ZBTB7C: variants seen among roughly 807,000 people sequenced by gnomAD.
ZBTB7C encodes the protein zinc finger and BTB domain-containing protein 7C.
A neutral mutation model predicts 25.7 loss-of-function variants in ZBTB7C; 8 were observed. The ratio of observed to expected loss-of-function variants is 0.31; its 90% CI spans 0.18 to 0.56. The LOEUF is 0.56. Ranked by LOEUF, ZBTB7C falls within the 20% of genes least tolerant of loss-of-function variation. ZBTB7C has a pLI of 0.91. For missense variants in ZBTB7C, 824 were observed against 855.2 expected, an observed-to-expected ratio of 0.96 and a Z score of 0.46; for synonymous variants, 394 against 369.0, an observed-to-expected ratio of 1.07 and a Z score of -0.78.
chr18:48,053,451 G>GTA (rs140866377), intron 3 of ZBTB7C, among the ~76,000 whole-genome samples: 2,913 of 152,286 alleles, frequency 0.019, 83 homozygotes, highest in African/African-American at 0.066. Context: ...TCACTGAGAT[G>GTA]TACTCTGGGT....
intron 2 of ZBTB7C, among the ~76,000 whole-genome samples, chr18:48,315,532 C>G (rs1293402071): frequency 6.6e-6 from 1 of 152,162 alleles, no homozygotes; most frequent in Non-Finnish European, 1.5e-5. Context: ...GCTTTGCCAC[C>G]TACTAGCCTG....
chr18:48,187,714 G>A (rs1356210478), intron 2 of ZBTB7C, among the ~76,000 whole-genome samples: 4 of 151,716 alleles, frequency 2.6e-5, no homozygotes, highest in Admixed American at 6.6e-5. Context: ...CCAGCTACTC[G>A]GGAGGCTGAG....
intron 3 of ZBTB7C, among the ~76,000 whole-genome samples, chr18:48,106,282 C>T (rs1201010618): frequency 6.6e-6 from 1 of 152,026 alleles, no homozygotes; most frequent in Non-Finnish European, 1.5e-5. Context: ...CTCCTTCAGC[C>T]CCAGTAGTAT....
rs188076829 is a variant in ZBTB7C at position 48,382,038 on chromosome 18, T to C, written c.-304+27188A>G. Among the ~76,000 whole-genome samples the C allele has an allele frequency of 5.0e-3, 763 of 152,250 alleles. 7 individuals are homozygous for C. The highest frequency in any genetic ancestry group is 0.016 in the African/African-American group (672 of 41,542). ...TTATCCATTGATGGGGGAAAACAAA[T>C]AAATTGGAAACAATAATACAATTGA... On this transcript the variant is annotated intron_variant, in intron 1 of 4. Coordinates refer to ENST00000590800, the MANE Select transcript of ZBTB7C (RefSeq NM_001318841.2).
chr18:48,299,552 C>A (rs1030955596), intron 2 of ZBTB7C, among the ~76,000 whole-genome samples: 3 of 152,198 alleles, frequency 2.0e-5, no homozygotes, highest in Non-Finnish European at 4.4e-5. Flanking sequence ...TTCTTGCCCC[C>A]ACCTCACCTG....
At chr18:48,207,995 A>G (rs537089775) in intron 2 of ZBTB7C, among the ~76,000 whole-genome samples, 1 of 146,786 alleles carries the variant, frequency 6.8e-6, no homozygotes, top group Admixed American at 6.9e-5. Flanking sequence ...CAAGCTGTGC[A>G]TTTAAGGTTT....
At chr18:48,136,606 T>A (rs1222321423) in intron 3 of ZBTB7C, among the ~76,000 whole-genome samples, 1 of 151,530 alleles carries the variant, frequency 6.6e-6, no homozygotes, top group African/African-American at 2.4e-5. Flanking sequence ...CACCCGCAAC[T>A]CCCTCTCGGA....
intron 1 of ZBTB7C, among the ~76,000 whole-genome samples, 187 bp from the exon 2 acceptor site, chr18:48,338,585 G>A (rs762099638): frequency 4.6e-5 from 7 of 151,916 alleles, no homozygotes. Flanking sequence ...CACCAACCCA[G>A]GCCCAGGCCT....
At chr18:48,363,639 G>C (rs1380424687) in intron 1 of ZBTB7C, among the ~76,000 whole-genome samples, 1 of 152,156 alleles carries the variant, frequency 6.6e-6, no homozygotes, top group African/African-American at 2.4e-5. Context: ...TCATTATTTG[G>C]TTAGAAAGTT....
At chr18:48,300,074 T>C (rs1434613818) in intron 2 of ZBTB7C, among the ~76,000 whole-genome samples, 5 of 152,152 alleles carry the variant, frequency 3.3e-5, no homozygotes, top group Non-Finnish European at 7.4e-5. Context: ...TGTTACTGCA[T>C]TGAGAACCAC....
At chr18:48,338,135 T>C (rs1363478776) in intron 2 of ZBTB7C, 39 bp downstream of exon 2, 1 of 152,222 alleles carries the variant, frequency 6.6e-6, no homozygotes, top group Admixed American at 6.5e-5. Context: ...CTACCTGCCA[T>C]ATCATTCATA....
At chr18:48,326,453 T>C (rs548371112) in intron 2 of ZBTB7C, among the ~76,000 whole-genome samples, 109 of 152,190 alleles carry the variant, frequency 7.2e-4, no homozygotes, top group Non-Finnish European at 8.1e-4. Context: ...CACACACACA[T>C]ACAACAAAAT....
At chr18:48,035,207 C>A (rs752966653) in intron 4 of ZBTB7C, among the ~76,000 whole-genome samples, 3 of 152,240 alleles carry the variant, frequency 2.0e-5, no homozygotes, top group Non-Finnish European at 2.9e-5. Context: ...AAAGGCACAG[C>A]CTTCGGGGTT....
At chr18:48,310,674 T>TC (rs2045797215) in intron 2 of ZBTB7C, among the ~76,000 whole-genome samples, 1 of 152,230 alleles carries the variant, frequency 6.6e-6, no homozygotes, top group South Asian at 2.1e-4. Flanking sequence ...GGATTTTTGT[T>TC]CAGAACACAT....
chr18:48,223,085 A>G (rs1376223694), intron 2 of ZBTB7C, among the ~76,000 whole-genome samples: 1 of 152,188 alleles, frequency 6.6e-6, no homozygotes, highest in East Asian at 1.9e-4. Flanking sequence ...ATTTCAGCCC[A>G]ATAACTGCAT....
chr18:48,128,221 C>T (rs1043216527), intron 3 of ZBTB7C, among the ~76,000 whole-genome samples: 4 of 152,210 alleles, frequency 2.6e-5, no homozygotes, highest in African/African-American at 9.6e-5. Context: ...CTCACTCTGG[C>T]CCTTCATCCT....
chr18:48,145,676 C>T (rs2040478783), intron 3 of ZBTB7C, among the ~76,000 whole-genome samples: 1 of 152,108 alleles, frequency 6.6e-6, no homozygotes, highest in Non-Finnish European at 1.5e-5. Context: ...TTTGTATTAC[C>T]CTGTTTACGT....
rs796589427 is a variant in ZBTB7C at position 48,085,457 on chromosome 18, G to A, written c.-16-44334C>T. ...CATGAACTGACAAGGAGTAGAAGAT[G>A]TGAAAAGGCAGCCCTAGACCAGGGT... On this transcript the variant is annotated intron_variant, in intron 3 of 4. Coordinates refer to ENST00000590800, the MANE Select transcript of ZBTB7C (RefSeq NM_001318841.2). 7.6e-4 allele frequency among the ~76,000 whole-genome samples: 116 copies of A among 152,238 alleles called. 2 individuals carry two copies. Among genetic ancestry groups the A allele is most frequent in the African/African-American group, 2.6e-3 (106 of 41,542 alleles).
intron 4 of ZBTB7C, among the ~76,000 whole-genome samples, chr18:48,036,613 C>T (rs559386234): frequency 2.0e-4 from 30 of 152,242 alleles, no homozygotes; most frequent in African/African-American, 6.7e-4. Flanking sequence ...AAATCATGTC[C>T]GAGAGAAGGA....
Sources: gnomAD v4.1 joint callset for allele counts (sites outside exome capture counted in the v4.1 genomes callset) on GRCh38, gnomAD v4.1.1 for gene constraint, MANE v1.5 for transcripts, NCBI Gene and HGNC (gene_info 2026-07-23, HGNC 2026-07-21) for gene names.